Variants in RAB2A observed in about 807,000 individuals in gnomAD.
RAB2A encodes RAB2A, member RAS oncogene family, also known as ras-related protein Rab-2A.
A neutral mutation model predicts 32.5 loss-of-function variants in RAB2A; 7 were observed. The observed-to-expected ratio is 0.22, with a 90% CI of 0.12 to 0.40. The LOEUF is 0.40. Among genes scored for constraint, RAB2A ranks in the 10% least tolerant of loss-of-function variants. RAB2A has a pLI of 1.00. For missense variants in RAB2A, 108 were observed against 260.7 expected (o/e 0.41, Z 4.03); for synonymous variants, 79 against 85.2 (o/e 0.93, Z 0.40).
chr8:60,564,294 C>G (rs1447847955), intron 2 of RAB2A, among the ~76,000 whole-genome samples: 1 of 152,134 alleles, frequency 6.6e-6, no homozygotes, highest in African/African-American at 2.4e-5. Flanking sequence ...TAAGCCTTTC[C>G]CTTGGTGCTG....
At chr8:60,572,572 T>G (rs1808212230) in intron 3 of RAB2A, among the ~76,000 whole-genome samples, 1 of 152,218 alleles carries the variant, frequency 6.6e-6, no homozygotes, top group African/African-American at 2.4e-5. Flanking sequence ...CTATTACATG[T>G]CATACAATAT....
At chr8:60,518,784 G>A (rs1311868578) in intron 1 of RAB2A, among the ~76,000 whole-genome samples, 1 of 152,160 alleles carries the variant, frequency 6.6e-6, no homozygotes, top group East Asian at 1.9e-4. Context: ...GAATTCTAAA[G>A]TCTTCTGGCA....
At position 60,556,641 on chromosome 8, in the gene RAB2A, T is replaced by TAA. The variant is rs11393857; in HGVS notation, c.47-2191_47-2190dup. On this transcript the variant is annotated intron_variant, in intron 1 of 7. Coordinates refer to ENST00000262646, the MANE Select transcript of RAB2A (RefSeq NM_002865.3). ...ATAGTGAGACCCTACCTCTTTTTAATAAAAAAAAAAAAAAAAAAAAAGAGG... is the reference window on the plus strand; with the variant it reads ...ATAGTGAGACCCTACCTCTTTTTAATAAAAAAAAAAAAAAAAAAAAAAAGAGG... Among the ~76,000 whole-genome samples, 921 of 106,588 alleles carry TAA rather than the reference T, an allele frequency of 8.6e-3. 12 individuals are homozygous for TAA. Among genetic ancestry groups the TAA allele is most frequent in the Middle Eastern group, 0.016 (3 of 188 alleles). The allele number at this position is 106,588 out of a possible 152,430, so 69.9% of individuals were successfully genotyped here. A position where few individuals can be genotyped will look rare whatever the true frequency, so the allele number is the denominator to read the frequency against.
chr8:60,543,428 C>G (rs529606033), intron 1 of RAB2A, among the ~76,000 whole-genome samples: 33 of 152,150 alleles, frequency 2.2e-4, no homozygotes, highest in Non-Finnish European at 2.6e-4. Flanking sequence ...TAACTGTACT[C>G]TCTATCCCTG....
chr8:60,544,572 TAA>T (rs145487461), intron 1 of RAB2A, among the ~76,000 whole-genome samples: 19 of 133,838 alleles, frequency 1.4e-4, no homozygotes, highest in African/African-American at 4.0e-4. Context: ...TTTTTTTTTT[TAA>T]AATAGAGATG....
intron 6 of RAB2A, among the ~76,000 whole-genome samples, chr8:60,611,692 A>C (rs1314434764): frequency 6.6e-6 from 1 of 152,200 alleles, no homozygotes; most frequent in Non-Finnish European, 1.5e-5. Flanking sequence ...AGGAACAGGA[A>C]ATTCTTTTTT....
At chr8:60,562,171 A>C (rs552943639) in intron 2 of RAB2A, among the ~76,000 whole-genome samples, 4 of 152,270 alleles carry the variant, frequency 2.6e-5, no homozygotes, top group Admixed American at 6.5e-5. Context: ...GCTCCCATTT[A>C]AAGGAGGTAA....
chr8:60,608,272 A>C (rs1485768004), intron 6 of RAB2A, among the ~76,000 whole-genome samples: 1 of 152,210 alleles, frequency 6.6e-6, no homozygotes, highest in African/African-American at 2.4e-5. Context: ...TGTTAACAGT[A>C]ATGATGACTG....
chr8:60,530,243 GT>G (rs1233789863), intron 1 of RAB2A, among the ~76,000 whole-genome samples: 1 of 151,096 alleles, frequency 6.6e-6, no homozygotes, highest in African/African-American at 2.4e-5. Context: ...CTGCCTCCTG[GT>G]TTCAAGCCGT....
At chr8:60,587,795 A>G (rs1376183277) in intron 5 of RAB2A, among the ~76,000 whole-genome samples, 1 of 152,264 alleles carries the variant, frequency 6.6e-6, no homozygotes, top group Non-Finnish European at 1.5e-5. Flanking sequence ...AACGGTTACA[A>G]AAATGAAAAG....
At chr8:60,618,246 A>ATG (rs1804480152) in intron 6 of RAB2A, among the ~76,000 whole-genome samples, 1 of 152,194 alleles carries the variant, frequency 6.6e-6, no homozygotes, top group South Asian at 2.1e-4. Context: ...ATCTTCGAAT[A>ATG]TGATGTTAGA....
intron 3 of RAB2A, among the ~76,000 whole-genome samples, chr8:60,573,153 G>C (rs952811142): frequency 6.6e-5 from 10 of 152,218 alleles, no homozygotes; most frequent in African/African-American, 2.4e-4. Flanking sequence ...ATCACACTTT[G>C]AGAACCACTG....
At chr8:60,569,553 C>T (rs1348153400) in intron 2 of RAB2A, among the ~76,000 whole-genome samples, 1 of 152,124 alleles carries the variant, frequency 6.6e-6, no homozygotes, top group Admixed American at 6.5e-5. Context: ...CTCTGTCACC[C>T]AGGCTGGAAA....
chr8:60,521,386 G>A (rs1253236088), intron 1 of RAB2A, among the ~76,000 whole-genome samples: 1 of 152,154 alleles, frequency 6.6e-6, no homozygotes, highest in African/African-American at 2.4e-5. Context: ...AACATAAAAT[G>A]GAGTCCCTAT....
chr8:60,522,513 C>T (rs145316836), intron 1 of RAB2A, among the ~76,000 whole-genome samples: 5 of 152,106 alleles, frequency 3.3e-5, no homozygotes, highest in African/African-American at 1.2e-4. Context: ...GGTCCTCCTA[C>T]TTTCTTTTTT....
intron 3 of RAB2A, among the ~76,000 whole-genome samples, chr8:60,580,235 T>C (rs1284394346): frequency 6.6e-6 from 1 of 151,972 alleles, no homozygotes; most frequent in Non-Finnish European, 1.5e-5. Flanking sequence ...GACCTCGTGA[T>C]CTGCCTGTCT....
intron 2 of RAB2A, among the ~76,000 whole-genome samples, chr8:60,569,499 C>T (rs1266456360): frequency 6.6e-6 from 1 of 151,896 alleles, no homozygotes; most frequent in Non-Finnish European, 1.5e-5. Flanking sequence ...TGTCTGCTTA[C>T]TTTATTAATT....
chr8:60,546,086 A>G (rs1293461616), intron 1 of RAB2A, among the ~76,000 whole-genome samples: 2 of 152,218 alleles, frequency 1.3e-5, no homozygotes, highest in Non-Finnish European at 2.9e-5. Flanking sequence ...AGTACATAGT[A>G]ATTGTCATTT....
intron 6 of RAB2A, among the ~76,000 whole-genome samples, chr8:60,603,263 C>G (rs1204738049): frequency 1.3e-5 from 2 of 152,016 alleles, no homozygotes; most frequent in Non-Finnish European, 2.9e-5. Flanking sequence ...AGAATTGGAC[C>G]TGTTTCCTTT....
Sources: gnomAD v4.1 joint callset for allele counts (sites outside exome capture counted in the v4.1 genomes callset) on GRCh38, gnomAD v4.1.1 for gene constraint, MANE v1.5 for transcripts, NCBI Gene and HGNC (gene_info 2026-07-23, HGNC 2026-07-21) for gene names.